Variants in RBPJ observed in about 807,000 individuals in gnomAD.
RBPJ encodes recombination signal binding protein for immunoglobulin kappa J region, also known as recombining binding protein suppressor of hairless.
In RBPJ, 9 loss-of-function variants were observed where a neutral mutation model predicts 67.8. That is an observed-to-expected ratio of 0.13 (90% CI 0.08 to 0.23). RBPJ has a LOEUF of 0.23. RBPJ is among the 10% of genes least tolerant of loss of function. The probability of loss-of-function intolerance (pLI) is 1.00; values close to 1 mark genes in which losing one functional copy is unlikely to be tolerated. For missense variants in RBPJ, 305 were observed against 595.6 expected (o/e 0.51, Z 5.08); for synonymous variants, 198 against 203.3 (o/e 0.97, Z 0.22).
At chr4:26,294,142 G>C (rs929680032) in intron 1 of RBPJ, among the ~76,000 whole-genome samples, 3 of 151,218 alleles carry the variant, frequency 2.0e-5, no homozygotes, top group South Asian at 4.2e-4. Context: ...CTGTCGCCCA[G>C]ATTGGAGTGC....
intron 1 of RBPJ, among the ~76,000 whole-genome samples, chr4:26,165,747 G>T (rs1278323766): frequency 1.3e-5 from 2 of 150,574 alleles, no homozygotes; most frequent in Admixed American, 6.6e-5. Flanking sequence ...TTAAGTTTTA[G>T]GGTACATGTG....
At chr4:26,203,998 G>A (rs1007099297) in intron 1 of RBPJ, among the ~76,000 whole-genome samples, 1 of 152,170 alleles carries the variant, frequency 6.6e-6, no homozygotes, top group African/African-American at 2.4e-5. Flanking sequence ...GGGCTGGAGT[G>A]TAGTGGTGTG....
intron 1 of RBPJ, among the ~76,000 whole-genome samples, chr4:26,305,771 C>CTTATTTTTTTTTTTTTTTTTTT (rs1722213722): frequency 1.5e-5 from 1 of 67,758 alleles, no homozygotes; most frequent in African/African-American, 6.7e-5. Flanking sequence ...ATTTTCTTTT[C>CTTATTTTTTTTTTTTTTTTTTT]TTTTTTTTTT....
the RBPJ span, chr4:26,113,843 T>C: frequency 5.1e-6 from 1 of 196,062 alleles, no homozygotes; most frequent in Non-Finnish European, 1.2e-5. Flanking sequence ...ATCCTGAATG[T>C]TAGAAGCCTT....
At chr4:26,274,652 A>G (rs747135407) in intron 1 of RBPJ, among the ~76,000 whole-genome samples, 4 of 151,342 alleles carry the variant, frequency 2.6e-5, no homozygotes, top group Non-Finnish European at 5.9e-5. Context: ...AAAGAAGAAG[A>G]AGGCTGGGCA....
chr4:26,248,586 G>A (rs1720001218), intron 1 of RBPJ, among the ~76,000 whole-genome samples: 1 of 152,010 alleles, frequency 6.6e-6, no homozygotes, highest in African/African-American at 2.4e-5. Flanking sequence ...ATACAAAAAA[G>A]GGAAAATAAA....
chr4:26,122,346 CA>C, the RBPJ span, among the ~76,000 whole-genome samples: 1 of 152,082 alleles, frequency 6.6e-6, no homozygotes, highest in Admixed American at 6.6e-5. Flanking sequence ...TACAAGGAAC[CA>C]AAAGCATCCT....
chr4:26,279,442 A>G (rs1224342538), intron 1 of RBPJ, among the ~76,000 whole-genome samples: 1 of 151,910 alleles, frequency 6.6e-6, no homozygotes, highest in Non-Finnish European at 1.5e-5. Flanking sequence ...CACCACGCCC[A>G]GCTAATTTTT....
intron 1 of RBPJ, among the ~76,000 whole-genome samples, chr4:26,166,060 T>C (rs1716280154): frequency 6.6e-6 from 1 of 150,688 alleles, no homozygotes; most frequent in African/African-American, 2.4e-5. Flanking sequence ...TCATTTTTTA[T>C]GGCTGCATAG....
chr4:26,121,686 C>T, the RBPJ span, among the ~76,000 whole-genome samples: 1 of 151,978 alleles, frequency 6.6e-6, no homozygotes, highest in Non-Finnish European at 1.5e-5. Flanking sequence ...GGAAAAAAAA[C>T]AATTATCCTG....
intron 1 of RBPJ, among the ~76,000 whole-genome samples, chr4:26,250,089 C>T (rs1034273259): frequency 1.2e-4 from 18 of 151,446 alleles, no homozygotes; most frequent in African/African-American, 2.9e-4. Context: ...CCTGGCCTTC[C>T]GAACTTTTTC....
chr4:26,181,807 C>T (rs1487379014), intron 1 of RBPJ, among the ~76,000 whole-genome samples: 2 of 152,136 alleles, frequency 1.3e-5, no homozygotes, highest in Non-Finnish European at 2.9e-5. Flanking sequence ...AAATGGTATA[C>T]TTGCATAGGG....
chr4:26,131,261 G>A, the RBPJ span, among the ~76,000 whole-genome samples: 19 of 152,216 alleles, frequency 1.2e-4, no homozygotes, highest in Non-Finnish European at 5.9e-5. Flanking sequence ...CAAGGTGGTT[G>A]CCATGTTTTT....
At chr4:26,401,420 T>A (rs1397448775) in intron 2 of RBPJ, among the ~76,000 whole-genome samples, 1 of 152,236 alleles carries the variant, frequency 6.6e-6, no homozygotes, top group Non-Finnish European at 1.5e-5. Context: ...TACATAATAG[T>A]GTTACCCTCA....
At chr4:26,114,060 C>T in the RBPJ span, among the ~76,000 whole-genome samples, 1 of 152,146 alleles carries the variant, frequency 6.6e-6, no homozygotes, top group Non-Finnish European at 1.5e-5. Flanking sequence ...GTGTCGTATT[C>T]CAAATGTAAT....
At chr4:26,160,244 T>G (rs1716052454), upstream of RBPJ, among the ~76,000 whole-genome samples, 3 of 152,308 alleles carry the variant, frequency 2.0e-5, no homozygotes, top group South Asian at 6.2e-4. Context: ...AAGGAGATAA[T>G]GTAGAAGTTA....
At chr4:26,223,681 A>G (rs539783657) in intron 1 of RBPJ, among the ~76,000 whole-genome samples, 62 of 152,310 alleles carry the variant, frequency 4.1e-4, no homozygotes, top group East Asian at 1.9e-4. Flanking sequence ...GGTTGGCCCT[A>G]TAGGAGGCAT....
intron 2 of RBPJ, among the ~76,000 whole-genome samples, chr4:26,396,456 A>G (rs1732127903): frequency 6.6e-6 from 1 of 152,248 alleles, no homozygotes. Context: ...AAGAACCAAG[A>G]TGGTGACTTG....
At chr4:26,194,436 G>T (rs557227100) in intron 1 of RBPJ, among the ~76,000 whole-genome samples, 1 of 152,328 alleles carries the variant, frequency 6.6e-6, no homozygotes, top group African/African-American at 2.4e-5. Flanking sequence ...AGCACTTGCA[G>T]CATGCCAGGC....
Sources: allele counts gnomAD v4.1 joint callset (sites outside exome capture counted in the v4.1 genomes callset), GRCh38; gene constraint gnomAD v4.1.1; transcripts MANE v1.5; gene names NCBI Gene and HGNC (gene_info 2026-07-23, HGNC 2026-07-21).